RPH3AL: variants seen among roughly 807,000 people sequenced by gnomAD.
RPH3AL encodes rab effector Noc2.
In RPH3AL, 38 loss-of-function variants were observed where a neutral mutation model predicts 43.1. The observed-to-expected ratio is 0.88, with a 90% CI of 0.68 to 1.15. The LOEUF is 1.15. Among genes scored for constraint, RPH3AL ranks in the 50% most tolerant of loss-of-function variants. The pLI is 0.00. For synonymous variants in RPH3AL, 189 were observed against 176.3 expected (o/e 1.07, Z -0.57); for missense variants, 462 against 423.2 (o/e 1.09, Z -0.81).
chr17:311,410 C>T (rs2043643239), intron 5 of RPH3AL, among the ~76,000 whole-genome samples: 1 of 152,188 alleles, frequency 6.6e-6, no homozygotes, highest in Non-Finnish European at 1.5e-5. Context: ...GGATGCCCTT[C>T]CCTCTGCCCT....
rs569774939 is a variant in RPH3AL, at chr17:333,032, G to A, written c.-37+727C>T. 13 of 1,289,112 alleles carry A rather than the reference G, an allele frequency of 1.0e-5. No individual in the cohort carries two copies. Among genetic ancestry groups the A allele is most frequent in the East Asian group, 1.1e-4 (2 of 18,022 alleles). 79.9% of individuals were successfully genotyped at this position (1,289,112 alleles called of 1,614,324 possible). A position where few individuals can be genotyped will look rare whatever the true frequency, so the allele number is the denominator to read the frequency against. ...CCCAGGCAACTTCCTGAGACAGATC[G>A]GTAAAAACAACCCCTTCTTCCAGGA... On this transcript the variant is annotated intron_variant, in intron 2 of 9. Transcript: ENST00000331302. This position sits in a 1 kb window ranked among gnomAD's most constrained non-coding sequence, Gnocchi z 4.5.
intron 7 of RPH3AL, among the ~76,000 whole-genome samples, chr17:243,702 C>G (rs2041653979): frequency 6.9e-6 from 1 of 145,652 alleles, no homozygotes; most frequent in African/African-American, 2.7e-5. Context: ...CTATTGACTA[C>G]CTTCCTCTAT....
intron 5 of RPH3AL, among the ~76,000 whole-genome samples, chr17:310,301 G>A (rs77018629): frequency 0.025 from 3,791 of 152,268 alleles, 74 homozygotes; most frequent in East Asian, 0.076. Context: ...CGGAGGGGAC[G>A]CAGCTCCGAG....
chr17:329,245 G>A (rs987027441), intron 2 of RPH3AL, among the ~76,000 whole-genome samples: 4 of 152,174 alleles, frequency 2.6e-5, no homozygotes, highest in Non-Finnish European at 5.9e-5. Flanking sequence ...GGCCAAGGCA[G>A]GAGGATTGCT....
At chr17:335,036 G>A (rs905109850) in intron 1 of RPH3AL, among the ~76,000 whole-genome samples, 8 of 152,238 alleles carry the variant, frequency 5.3e-5, no homozygotes, top group African/African-American at 1.9e-4. Context: ...CTCCTAGGGT[G>A]TGGCACGAAC....
intron 2 of RPH3AL, chr17:331,328 A>T: frequency 3.2e-6 from 1 of 314,330 alleles, no homozygotes; most frequent in East Asian, 8.8e-5. Context: ...AGACGGAAGG[A>T]TGTCGCCTCC....
chr17:244,440 G>A (rs544342298), intron 7 of RPH3AL, among the ~76,000 whole-genome samples: 2 of 151,614 alleles, frequency 1.3e-5, no homozygotes, highest in Non-Finnish European at 2.9e-5. Flanking sequence ...AAGAGAATGG[G>A]GGGGGAGAGG....
intron 3 of RPH3AL, among the ~76,000 whole-genome samples, chr17:324,255 C>T (rs1236978401): frequency 6.6e-6 from 1 of 152,182 alleles, no homozygotes; most frequent in Non-Finnish European, 1.5e-5. Flanking sequence ...CCCCCAGGGC[C>T]GCCTCCGCAC....
chr17:241,999 C>G (rs1191727215), intron 7 of RPH3AL, among the ~76,000 whole-genome samples: 2 of 152,028 alleles, frequency 1.3e-5, no homozygotes, highest in Non-Finnish European at 2.9e-5. Context: ...TGCCTGTAAT[C>G]CCAGCTATTC....
chr17:253,082 C>A (rs782780014), intron 6 of RPH3AL, among the ~76,000 whole-genome samples: 2 of 152,202 alleles, frequency 1.3e-5, no homozygotes, highest in Non-Finnish European at 2.9e-5. Flanking sequence ...AAGGCCTCCT[C>A]TGTGGACCCT....
Position 258,138 on chromosome 17 carries a change from T to A in RPH3AL, c.439-10853A>T, listed in dbSNP as rs1043126084. On this transcript the variant is annotated intron_variant, in intron 6 of 9. Transcript: ENST00000331302. ...CCCTGTACGGATGGATCACGTTTTG[T>A]CGTCTGTTCATAGGTACGTGGGGTG... Among the ~76,000 whole-genome samples the A allele has an allele frequency of 3.9e-4, 59 of 152,228 alleles. 1 individual carries two copies. The highest frequency in any genetic ancestry group is 1.4e-3 in the African/African-American group (57 of 41,454).
chr17:235,661 G>A (rs1248714141), intron 7 of RPH3AL, among the ~76,000 whole-genome samples: 1 of 94,456 alleles, frequency 1.1e-5, no homozygotes, highest in Non-Finnish European at 2.3e-5. Flanking sequence ...AGGGTTCAAA[G>A]CTGGGGTCAG....
In RPH3AL at chr17:274,178, C is replaced by T. The variant is rs901950729; in HGVS notation, c.438+7590G>A. 6.6e-6 allele frequency among the ~76,000 whole-genome samples: 1 copy of T among 152,244 alleles called. No individual in the cohort carries two copies. Among genetic ancestry groups the T allele is most frequent in the African/African-American group, 2.4e-5 (1 of 41,464 alleles). Reference sequence around the variant, plus strand: ...TAGAAGCCGCCAGGGCCGTTCCTCCCAGCCCCAACTAACGCACCCATGAAA... The same window carrying T: ...TAGAAGCCGCCAGGGCCGTTCCTCCTAGCCCCAACTAACGCACCCATGAAA... On this transcript the variant is annotated intron_variant, in intron 6 of 9. Transcript: ENST00000331302. The surrounding 1 kb of genome is among the most constrained non-coding windows in gnomAD (Gnocchi z 4.7).
At chr17:242,089 C>G (rs1446557673) in intron 7 of RPH3AL, among the ~76,000 whole-genome samples, 2 of 151,954 alleles carry the variant, frequency 1.3e-5, no homozygotes, top group South Asian at 4.1e-4. Flanking sequence ...CACACTCCAG[C>G]CTGGGTGGCA....
intron 5 of RPH3AL, among the ~76,000 whole-genome samples, chr17:300,092 GGC>G (rs2151636283): frequency 1.5e-4 from 5 of 32,398 alleles, no homozygotes; most frequent in African/African-American, 5.7e-4. Flanking sequence ...AGCAGGGGCT[GGC>G]CCAGCCTAGG....
At chr17:284,202 T>C (rs563843787) in intron 5 of RPH3AL, among the ~76,000 whole-genome samples, 33 of 152,232 alleles carry the variant, frequency 2.2e-4, no homozygotes, top group African/African-American at 7.7e-4. Flanking sequence ...TAGTGAGCAG[T>C]TATCGGACCG....
chr17:241,742 G>A (rs1345957062), intron 7 of RPH3AL, among the ~76,000 whole-genome samples: 5 of 132,152 alleles, frequency 3.8e-5, no homozygotes, highest in Admixed American at 8.2e-5. Flanking sequence ...TTTTTGAGAC[G>A]GAGTCTTGCT....
chr17:346,338 C>T (rs28578256), intron 1 of RPH3AL, among the ~76,000 whole-genome samples: 2,876 of 135,168 alleles, frequency 0.021, 423 homozygotes, highest in African/African-American at 0.069. Context: ...TAAGGCATAC[C>T]CAAGACTGGG....
At chr17:313,793 G>A (rs12952388) in intron 5 of RPH3AL, among the ~76,000 whole-genome samples, 5,028 of 152,218 alleles carry the variant, frequency 0.033, 154 homozygotes, top group South Asian at 0.056. Context: ...GAATGAAGAT[G>A]AATGAACGAA....
Sources: allele counts gnomAD v4.1 joint callset (sites outside exome capture counted in the v4.1 genomes callset), GRCh38; gene constraint gnomAD v4.1.1; non-coding constraint Gnocchi (gnomAD v3.1); transcripts MANE v1.5; gene names NCBI Gene and HGNC (gene_info 2026-07-23, HGNC 2026-07-21).